The following RBFOX1 variants were observed in gnomAD, a reference collection of about 807,000 sequenced individuals.
RBFOX1 encodes the protein RNA binding fox-1 homolog 1.
Under a neutral mutation model 57.7 loss-of-function variants are expected in RBFOX1, and 8 were observed. The observed-to-expected ratio is 0.14, with a 90% CI of 0.08 to 0.25. RBFOX1 has a LOEUF of 0.25. Among genes scored for constraint, RBFOX1 ranks in the 10% least tolerant of loss-of-function variants. RBFOX1 has a pLI of 1.00. For synonymous variants in RBFOX1, 326 were observed against 222.4 expected, an observed-to-expected ratio of 1.47 and a Z score of -4.15; for missense variants, 611 against 548.5, an observed-to-expected ratio of 1.11 and a Z score of -1.14.
chr16:6,113,578 C>T (rs1446058990), intron 1 of RBFOX1, among the ~76,000 whole-genome samples: 3 of 152,276 alleles, frequency 2.0e-5, no homozygotes, highest in East Asian at 3.9e-4. Context: ...CAGAAATTGC[C>T]TGTCTCCGCA....
At chr16:7,514,321 C>G (rs2075866078) in intron 4 of RBFOX1, among the ~76,000 whole-genome samples, 1 of 152,202 alleles carries the variant, frequency 6.6e-6, no homozygotes, top group African/African-American at 2.4e-5. Context: ...TCCCCCTACC[C>G]TATCTCCTGC....
chr16:7,320,738 C>T (rs1396999398), intron 4 of RBFOX1, among the ~76,000 whole-genome samples: 2 of 152,190 alleles, frequency 1.3e-5, no homozygotes, highest in Non-Finnish European at 2.9e-5. Context: ...GTAAGAAACA[C>T]CATGAATAAA....
At chr16:5,414,500 A>G (rs2067108699) in intron 1 of RBFOX1, among the ~76,000 whole-genome samples, 1 of 152,178 alleles carries the variant, frequency 6.6e-6, no homozygotes, top group Non-Finnish European at 1.5e-5. Context: ...GCCTGTGGGT[A>G]GACCCTGGAT....
chr16:5,670,207 A>G (rs978355519), intron 3 of RBFOX1, among the ~76,000 whole-genome samples: 5 of 152,170 alleles, frequency 3.3e-5, no homozygotes, highest in Admixed American at 2.0e-4. Flanking sequence ...GTGGCTGCTT[A>G]ACGGGTCTGA....
In RBFOX1 at chr16:6,994,368, AAC is replaced by A. The variant is rs1406657218; in HGVS notation, c.-15-57685_-15-57684del. Among the ~76,000 whole-genome samples the A allele has an allele frequency of 5.9e-5, 9 of 152,184 alleles. No individual in the cohort carries two copies. In the East Asian group the frequency reaches 1.5e-3, roughly 26 times the overall value. On this transcript the variant is annotated intron_variant, in intron 3 of 15. Coordinates refer to ENST00000550418, the MANE Select transcript of RBFOX1 (RefSeq NM_018723.4). The stretch of plus-strand genomic sequence containing the variant: ...CTTAAAGTCCCAGGTGTTGATAACA[AAC>A]ACAGAGTTGAGCTGAAAACATGAAT...
chr16:6,918,076 C>T (rs999701998), intron 3 of RBFOX1, among the ~76,000 whole-genome samples: 2 of 152,100 alleles, frequency 1.3e-5, no homozygotes, highest in East Asian at 1.9e-4. Context: ...CGCTTGAGGT[C>T]AGGAGTTCGA....
intron 3 of RBFOX1, among the ~76,000 whole-genome samples, chr16:5,809,970 A>G (rs1176965012): frequency 6.6e-6 from 1 of 152,218 alleles, no homozygotes; most frequent in African/African-American, 2.4e-5. Context: ...TGTGGCACAT[A>G]TACACCACGG....
chr16:5,564,162 C>T (rs186683700), intron 2 of RBFOX1, among the ~76,000 whole-genome samples: 1 of 152,168 alleles, frequency 6.6e-6, no homozygotes, highest in East Asian at 1.9e-4. Context: ...ATGGTCCGCA[C>T]CACCATGCCT....
intron 2 of RBFOX1, among the ~76,000 whole-genome samples, chr16:6,624,616 C>T (rs947099622): frequency 2.6e-5 from 4 of 152,130 alleles, no homozygotes; most frequent in East Asian, 1.9e-4. Flanking sequence ...AGCCACAGTG[C>T]AGCTGTGTTT....
rs527302720 is a variant in RBFOX1, at chr16:6,977,141, T to G, written c.-15-74916T>G. On this transcript the variant is annotated intron_variant, in intron 3 of 15. Coordinates refer to ENST00000550418, the MANE Select transcript of RBFOX1 (RefSeq NM_018723.4). ...ATATTATCATATATATGATATATAT[T>G]ATATATATCATATATATCATATATT... 7.7e-5 allele frequency among the ~76,000 whole-genome samples: 11 copies of G among 143,520 alleles called. 1 individual carries two copies. The highest frequency in any genetic ancestry group is 2.0e-4 in the East Asian group (1 of 5,002). 94.2% of individuals were successfully genotyped at this position (143,520 alleles called of 152,430 possible).
At chr16:5,365,424 TTGGGAGGCCAAGG>T (rs772661253) in intron 1 of RBFOX1, among the ~76,000 whole-genome samples, 1 of 152,160 alleles carries the variant, frequency 6.6e-6, no homozygotes, top group Non-Finnish European at 1.5e-5. Context: ...TCCCAGCACT[TTGGGAGGCCAAGG>T]TGGGAGGAAC....
intron 4 of RBFOX1, among the ~76,000 whole-genome samples, chr16:5,953,118 G>C (rs998398831): frequency 6.7e-6 from 1 of 150,010 alleles, no homozygotes; most frequent in African/African-American, 2.5e-5. Context: ...GGTTGGGAGG[G>C]TGGGGTGGGA....
chr16:6,120,373 C>G (rs537609701), intron 1 of RBFOX1, among the ~76,000 whole-genome samples: 1 of 152,314 alleles, frequency 6.6e-6, no homozygotes, highest in African/African-American at 2.4e-5. Context: ...ACAGCAGCCA[C>G]CCCATTTTAC....
rs544631781 is a variant in RBFOX1 at position 6,804,823 on chromosome 16, A to G, written c.-16+150173A>G. Among the ~76,000 whole-genome samples, 19 of 152,314 alleles carry G rather than the reference A, an allele frequency of 1.2e-4. No individual in the cohort carries two copies. In the South Asian group the frequency reaches 3.3e-3, roughly 27 times the overall value. On this transcript the variant is annotated intron_variant, in intron 3 of 15. Transcript: ENST00000550418. ...TGCATTTGCCACTCTGACTTCTTAT[A>G]GGTAAAGTATTGGCAGTTATGTCCT... is the stretch of plus-strand genomic sequence containing the variant.
At chr16:6,614,069 GT>G (rs1167114418) in intron 2 of RBFOX1, among the ~76,000 whole-genome samples, 1 of 152,178 alleles carries the variant, frequency 6.6e-6, no homozygotes, top group African/African-American at 2.4e-5. Context: ...TACATTGTAA[GT>G]TGCTTTATTG....
intron 3 of RBFOX1, among the ~76,000 whole-genome samples, chr16:6,756,712 C>A (rs2075840082): frequency 6.6e-6 from 1 of 152,102 alleles, no homozygotes; most frequent in African/African-American, 2.4e-5. Flanking sequence ...TGGTTCACGC[C>A]TGTAATCCCA....
chr16:7,020,214 CT>C (rs2094136544), intron 3 of RBFOX1, among the ~76,000 whole-genome samples: 1 of 151,612 alleles, frequency 6.6e-6, no homozygotes, highest in African/African-American at 2.4e-5. Flanking sequence ...TTCTTTGTTT[CT>C]TTGTTTCTTT....
chr16:7,018,430 C>T (rs570713516), intron 3 of RBFOX1, among the ~76,000 whole-genome samples: 1 of 152,104 alleles, frequency 6.6e-6, no homozygotes, highest in Admixed American at 6.5e-5. Flanking sequence ...TGAATATTGT[C>T]TTAATTGCTC....
intron 4 of RBFOX1, among the ~76,000 whole-genome samples, chr16:5,913,521 C>T (rs1359413777): frequency 1.3e-5 from 2 of 152,292 alleles, no homozygotes; most frequent in African/African-American, 4.8e-5. Flanking sequence ...CACACCTGCA[C>T]CCCTTTGCTT....
Sources: allele counts gnomAD v4.1 joint callset (sites outside exome capture counted in the v4.1 genomes callset), GRCh38; gene constraint gnomAD v4.1.1; transcripts MANE v1.5; gene names NCBI Gene and HGNC (gene_info 2026-07-23, HGNC 2026-07-21).